Variants in ZNF610 observed in about 807,000 individuals in gnomAD.
The protein encoded by ZNF610 is zinc finger protein 610.
In ZNF610, 14 loss-of-function variants were observed where a neutral mutation model predicts 14.1. The observed-to-expected ratio is 0.99, with a 90% CI of 0.65 to 1.55. The LOEUF (loss-of-function observed/expected upper bound fraction) is 1.55, where lower values mean the gene tolerates loss of function less well. ZNF610 is among the 40% of genes most tolerant of loss of function. The probability of loss-of-function intolerance (pLI) is 0.00; values close to 1 mark genes in which losing one functional copy is unlikely to be tolerated. For missense variants in ZNF610, 530 were observed against 558.0 expected (o/e 0.95, Z 0.51); for synonymous variants, 185 against 187.6 (o/e 0.99, Z 0.11).
chr19:52,337,031 TGA>T (rs1297355973), intron 1 of ZNF610, among the ~76,000 whole-genome samples: 2 of 152,038 alleles, frequency 1.3e-5, no homozygotes, highest in African/African-American at 4.8e-5. Context: ...AGAGAGTAGC[TGA>T]GAGATTTACA....
chr19:52,333,314 C>T (rs571927882), upstream of ZNF610, among the ~76,000 whole-genome samples: 4 of 152,322 alleles, frequency 2.6e-5, no homozygotes, highest in Non-Finnish European at 4.4e-5. Context: ...AGCAGAAAAG[C>T]TCCCGGTAAC....
At chr19:52,343,231 T>A (rs1984772658) in intron 1 of ZNF610, among the ~76,000 whole-genome samples, 1 of 152,244 alleles carries the variant, frequency 6.6e-6, no homozygotes, top group Non-Finnish European at 1.5e-5. Flanking sequence ...TTCTTATTTG[T>A]GTTTTCATTT....
chr19:52,362,409 CA>C (rs1236773422), intron 5 of ZNF610, among the ~76,000 whole-genome samples: 4 of 152,168 alleles, frequency 2.6e-5, no homozygotes, highest in Non-Finnish European at 5.9e-5. Flanking sequence ...GACTCCATCT[CA>C]AAAATAAATA....
At chr19:52,363,549 T>C (rs1445048815) in intron 5 of ZNF610, among the ~76,000 whole-genome samples, 1 of 152,228 alleles carries the variant, frequency 6.6e-6, no homozygotes, top group East Asian at 1.9e-4. Context: ...GGCTGTGATA[T>C]TTGGTGCCTA....
intron 1 of ZNF610, among the ~76,000 whole-genome samples, chr19:52,340,343 A>T (rs1297130391): frequency 6.6e-6 from 1 of 152,186 alleles, no homozygotes; most frequent in East Asian, 1.9e-4. Context: ...AGACCGCGCC[A>T]CTGCACTCCA....
chr19:52,339,538 C>T (rs1984568742), intron 1 of ZNF610, among the ~76,000 whole-genome samples: 1 of 146,218 alleles, frequency 6.8e-6, no homozygotes, highest in Admixed American at 6.7e-5. Flanking sequence ...ACATCCTGCA[C>T]AGCCCTAAAT....
intron 1 of ZNF610, among the ~76,000 whole-genome samples, chr19:52,337,981 C>T (rs1033634515): frequency 6.6e-6 from 1 of 151,492 alleles, no homozygotes; most frequent in African/African-American, 2.5e-5. Context: ...GAACACCCAA[C>T]ACAGAATGCC....
At chr19:52,348,552 C>G (rs1157963084) in intron 2 of ZNF610, among the ~76,000 whole-genome samples, 1 of 152,130 alleles carries the variant, frequency 6.6e-6, no homozygotes, top group African/African-American at 2.4e-5. Flanking sequence ...TTTGGGGTAC[C>G]TCAGTCCTTT....
chr19:52,348,189 AAC>A (rs1360070268), intron 2 of ZNF610: 1 of 152,178 alleles, frequency 6.6e-6, no homozygotes, highest in Non-Finnish European at 1.5e-5. Context: ...ATGGTCTGAA[AAC>A]ACATTTCTCA....
rs756413160 is a variant in ZNF610, at chr19:52,354,393, T to C, written c.319+14T>C. 8 of 1,612,612 alleles carry C rather than the reference T, an allele frequency of 5.0e-6. No individual in the cohort carries two copies. In the South Asian group the frequency reaches 8.8e-5, roughly 18 times the overall value. ...GCGTGAACACAGGTAAGAGCTCTGA[T>C]GGGCAGTGTGGAGGCCATAGTTTTT... is the stretch of plus-strand genomic sequence containing the variant. On this transcript the variant is annotated intron_variant, in intron 5 of 5. Transcript: ENST00000403906.
chr19:52,350,427 C>T (rs1600233928), intron 3 of ZNF610, among the ~76,000 whole-genome samples: 1 of 152,154 alleles, frequency 6.6e-6, no homozygotes, highest in Admixed American at 6.5e-5. Flanking sequence ...CCTGTAATCC[C>T]AGCACTTTGG....
intron 1 of ZNF610, among the ~76,000 whole-genome samples, chr19:52,345,746 C>A (rs979022648): frequency 6.6e-6 from 1 of 151,814 alleles, no homozygotes; most frequent in African/African-American, 2.4e-5. Flanking sequence ...GCTCTGTCGC[C>A]CAGGCTGGAG....
Position 52,336,244 on chromosome 19 carries a change from C to T in ZNF610, c.-520C>T. 1 of 255,804 alleles carries T rather than the reference C, an allele frequency of 3.9e-6. No homozygotes were observed. Among genetic ancestry groups the T allele is most frequent in the Non-Finnish European group, 7.5e-6 (1 of 132,624 alleles). 15.8% of individuals were successfully genotyped at this position (255,804 alleles called of 1,614,324 possible). A position where few individuals can be genotyped will look rare whatever the true frequency, so the allele number is the denominator to read the frequency against. Reference sequence around the variant, plus strand: ...TATGCTGCGCGCGCGCAGTTTTTTGCAGACCCGGAAGCGGATCGCGTGGGT... The same window carrying T: ...TATGCTGCGCGCGCGCAGTTTTTTGTAGACCCGGAAGCGGATCGCGTGGGT... On this transcript the variant is annotated 5_prime_UTR_variant, in exon 1 of 6. Coordinates refer to ENST00000403906, the MANE Select transcript of ZNF610 (RefSeq NM_001161425.2).
intron 1 of ZNF610, among the ~76,000 whole-genome samples, chr19:52,338,762 G>A (rs373944954): frequency 2.6e-5 from 4 of 152,078 alleles, no homozygotes; most frequent in South Asian, 2.1e-4. Context: ...GTGCACTGGC[G>A]CGATATTGGC....
rs1188052274 is a variant in ZNF610 at position 52,366,709 on chromosome 19, C to T, written c.1331C>T (p.Ser444Leu). Residue 444 changes from serine to leucine, a missense_variant, in exon 6 of 6, where the codon TCA becomes TTA. Coordinates refer to ENST00000403906, the MANE Select transcript of ZNF610 (RefSeq NM_001161425.2). ...GKVFNQNPHL[S>L]RHRKIHAGEN... ...GTCTTCAATCAAAATCCACACCTTT[C>T]ACGACATCGGAAAATTCATGCTGGA... 4 of 1,614,144 alleles carry T rather than the reference C, an allele frequency of 2.5e-6. No individual in the cohort carries two copies. The Admixed American group carries it at 6.7e-5, about 27-fold the overall frequency.
intron 5 of ZNF610, 91 bp from the exon 6 acceptor site, chr19:52,365,607 C>CT: frequency 8.7e-7 from 1 of 1,145,958 alleles, no homozygotes; most frequent in Non-Finnish European, 1.3e-6. Context: ...CTTCCAGTGT[C>CT]TGAGTTGGGT....
chr19:52,358,983 T>A (rs952044324), intron 5 of ZNF610, among the ~76,000 whole-genome samples: 9 of 152,246 alleles, frequency 5.9e-5, no homozygotes, highest in Non-Finnish European at 1.2e-4. Flanking sequence ...TTCTGGCCTG[T>A]CTGTTCTAGT....
At chr19:52,361,440 T>C (rs1985769961) in intron 5 of ZNF610, among the ~76,000 whole-genome samples, 1 of 151,868 alleles carries the variant, frequency 6.6e-6, no homozygotes. Context: ...GCCTCCCAAA[T>C]TGCTGGGATT....
At chr19:52,345,258 A>C (rs531883725) in intron 1 of ZNF610, 1 of 152,296 alleles carries the variant, frequency 6.6e-6, no homozygotes, top group South Asian at 2.1e-4. Context: ...CTGCATAATG[A>C]CATTTTGGTC....
Sources: allele counts gnomAD v4.1 joint callset (sites outside exome capture counted in the v4.1 genomes callset), GRCh38; gene constraint gnomAD v4.1.1; transcripts MANE v1.5; gene names NCBI Gene and HGNC (gene_info 2026-07-23, HGNC 2026-07-21).